The following TLCD3B variants were observed in gnomAD, a reference collection of about 807,000 sequenced individuals.
The protein encoded by TLCD3B is TLC domain containing 3B.
TLCD3B carries 9 observed loss-of-function variants against 23.0 expected under a neutral mutation model. The ratio of observed to expected loss-of-function variants is 0.39; its 90% CI spans 0.24 to 0.68. TLCD3B has a LOEUF of 0.68. Ranked by LOEUF, TLCD3B falls within the 30% of genes least tolerant of loss-of-function variation. The probability of loss-of-function intolerance (pLI) is 0.44; values close to 1 mark genes in which losing one functional copy is unlikely to be tolerated. For missense variants in TLCD3B, 307 were observed against 371.8 expected, an observed-to-expected ratio of 0.83 and a Z score of 1.43; for synonymous variants, 161 against 161.0, an observed-to-expected ratio of 1.00 and a Z score of 0.00.
intron 3 of TLCD3B, among the ~76,000 whole-genome samples, chr16:30,038,861 G>A (rs1264114312): frequency 6.6e-6 from 1 of 152,162 alleles, no homozygotes; most frequent in African/African-American, 2.4e-5. Flanking sequence ...GAAAACAGAG[G>A]CACAGAGAGG....
chr16:30,028,181 G>A (rs983227508), intron 2 of TLCD3B, among the ~76,000 whole-genome samples: 5 of 152,208 alleles, frequency 3.3e-5, no homozygotes, highest in Admixed American at 2.0e-4. Flanking sequence ...GATGGGAGAT[G>A]GGACAGCTGG....
chr16:30,048,743 A>AT lies in TLCD3B; in HGVS notation c.-293-2357dup, dbSNP rs907868801. ...TGCCTCAGCCTCCCGAGTAGCTGAG[A>AT]TTACAGGCATGCACCACCACGCCCA... On this transcript the variant is annotated intron_variant, in intron 1 of 6. Coordinates refer to the TLCD3B transcript ENST00000561666. Among the ~76,000 whole-genome samples, 50 of 151,752 alleles carry AT rather than the reference A, an allele frequency of 3.3e-4. 1 individual carries two copies. The highest frequency in any genetic ancestry group is 1.2e-3 in the African/African-American group (50 of 41,348).
Position 30,025,297 on chromosome 16 carries a change from G to T in TLCD3B, c.711C>A (p.Gly237=), listed in dbSNP as rs752491244. ...PLAIPAHVNL[G]AALLLAPQLY... The stretch of plus-strand genomic sequence containing the variant: ...GCTGAGGGGCCAGGAGCAGCGCAGC[G>T]CCCAGGTTGACGTGGGCAGGGATGG... Residue 237 remains glycine (G), a synonymous_variant, in exon 5 of 5, where the codon GGC becomes GGA. Coordinates refer to ENST00000380495, the MANE Select transcript of TLCD3B (RefSeq NM_031478.6). The surrounding 1 kb of genome is among the most constrained non-coding windows in gnomAD (Gnocchi z 4.1). The T allele has an allele frequency of 5.1e-6, 8 of 1,555,736 alleles. No homozygotes were observed. The Admixed American group carries it at 7.8e-5, about 15-fold the overall frequency.
At chr16:30,034,910 T>C (rs2071437773), upstream of TLCD3B, among the ~76,000 whole-genome samples, 10 of 123,974 alleles carry the variant, frequency 8.1e-5, no homozygotes, top group South Asian at 2.7e-3. Flanking sequence ...TCTTTTTTTC[T>C]TTTTCTTTTT....
chr16:30,027,156 T>G, intron 2 of TLCD3B: 1 of 496,190 alleles, frequency 2.0e-6, no homozygotes. Context: ...AGTGCCAAAA[T>G]AAGCCCAGGA....
At chr16:30,048,906 G>T (rs1236698034) in intron 1 of TLCD3B, among the ~76,000 whole-genome samples, 1 of 152,058 alleles carries the variant, frequency 6.6e-6, no homozygotes, top group African/African-American at 2.4e-5. Context: ...AAGTAGCTTG[G>T]ATTATAGGCA....
chr16:30,048,499 G>A (rs1304038138), intron 1 of TLCD3B, among the ~76,000 whole-genome samples: 1 of 152,076 alleles, frequency 6.6e-6, no homozygotes, highest in Non-Finnish European at 1.5e-5. Flanking sequence ...AGTCCCTGAG[G>A]GTTATCCCCA....
At chr16:30,040,824 C>A (rs1213122947) in intron 3 of TLCD3B, among the ~76,000 whole-genome samples, 1 of 151,680 alleles carries the variant, frequency 6.6e-6, no homozygotes, top group Admixed American at 6.6e-5. Flanking sequence ...CCTGGCTAAT[C>A]TGGGGAGGTT....
exon 1 of TLCD3B, chr16:30,052,819 T>C (rs2071788546): frequency 6.6e-6 from 1 of 152,198 alleles, no homozygotes; most frequent in Non-Finnish European, 1.5e-5. Context: ...AGATGCTCAG[T>C]GGCTTGGCCG....
At chr16:30,041,769 G>A in intron 2 of TLCD3B, among the ~76,000 whole-genome samples, 1 of 147,014 alleles carries the variant, frequency 6.8e-6, no homozygotes, top group Non-Finnish European at 1.5e-5. Context: ...GAGCCATGGC[G>A]CCCAGCCGAG....
chr16:30,039,103 CTTTTTTT>C (rs1018184417), intron 3 of TLCD3B, among the ~76,000 whole-genome samples: 1 of 99,612 alleles, frequency 1.0e-5, no homozygotes, highest in Non-Finnish European at 1.9e-5. Flanking sequence ...TCCTTCCTCT[CTTTTTTT>C]TTTTTTTTTT....
Position 30,030,781 on chromosome 16 carries a change from G to A in TLCD3B, c.-254C>T, listed in dbSNP as rs1363943844. 6.6e-6 allele frequency: 8 copies of A among 1,211,498 alleles called. No homozygotes were observed. The highest frequency in any genetic ancestry group is 3.3e-5 in the African/African-American group (2 of 61,396). 75.0% of individuals were successfully genotyped at this position (1,211,498 alleles called of 1,614,324 possible). A position where few individuals can be genotyped will look rare whatever the true frequency, so the allele number is the denominator to read the frequency against. On this transcript the variant is annotated 5_prime_UTR_variant, in exon 1 of 5. Transcript: ENST00000380495. ...AGAAGGGGAGCAGGAGCAGGCCAGC[G>A]AGGGATGGGGAGAGGCAAAGAGGGG...
At chr16:30,052,782 T>C (rs2071787949) in exon 1 of TLCD3B, 1 of 152,192 alleles carries the variant, frequency 6.6e-6, no homozygotes, top group South Asian at 2.1e-4. Context: ...ACAATATCCC[T>C]GAGCGGCAGG....
intron 2 of TLCD3B, chr16:30,027,497 A>C (rs1432005815): frequency 6.7e-6 from 3 of 444,644 alleles, no homozygotes; most frequent in Non-Finnish European, 1.4e-5. Flanking sequence ...AGAAGATCCG[A>C]GAGGCATCAG....
chr16:30,030,472 G>C lies in TLCD3B; in HGVS notation c.56C>G (p.Ser19Cys). ...GGGCAGCCGCTGGAGCGTGTTCTTG[G>C]AGAGGAGGAAGAGTCCGGGGAACAC... ...GVVFPGLFLLSKNTLQRLPQL... is the reference protein window; with the variant it reads ...GVVFPGLFLLCKNTLQRLPQL... The change falls in exon 1 of 5, where the codon TCC becomes TGC. Residue 19 changes from serine to cysteine, a missense_variant. Transcript: ENST00000380495. The C allele has an allele frequency of 6.2e-7, 1 of 1,608,062 alleles. No homozygotes were observed. The highest frequency in any genetic ancestry group is 8.5e-7 in the Non-Finnish European group (1 of 1,177,882).
Position 30,029,974 on chromosome 16 carries a change from C to G in TLCD3B, c.125+429G>C. 7.9e-7 allele frequency: 1 copy of G among 1,261,808 alleles called. No individual in the cohort carries two copies. Among genetic ancestry groups the G allele is most frequent in the Non-Finnish European group, 1.1e-6 (1 of 947,686 alleles). 78.2% of individuals were successfully genotyped at this position (1,261,808 alleles called of 1,614,324 possible). ...CTTTCCCACTGTCTCCTGACTGCCACCAGCCTCCACTCTGCACTCTGGCCC... is the reference window on the plus strand; with the variant it reads ...CTTTCCCACTGTCTCCTGACTGCCAGCAGCCTCCACTCTGCACTCTGGCCC... On this transcript the variant is annotated intron_variant, in intron 1 of 4. Transcript: ENST00000380495. The surrounding 1 kb of genome is among the most constrained non-coding windows in gnomAD (Gnocchi z 4.6).
chr16:30,042,871 G>C (rs980142409), intron 2 of TLCD3B, among the ~76,000 whole-genome samples: 2 of 152,010 alleles, frequency 1.3e-5, no homozygotes, highest in Non-Finnish European at 2.9e-5. Context: ...GGCCGAGGTG[G>C]GTGGATCATG....
At chr16:30,031,785 G>A (rs566506340), upstream of TLCD3B, among the ~76,000 whole-genome samples, 5 of 152,314 alleles carry the variant, frequency 3.3e-5, no homozygotes, top group South Asian at 6.2e-4. Flanking sequence ...CAGGAGCTCC[G>A]AGGTCACTGC....
intron 2 of TLCD3B, among the ~76,000 whole-genome samples, chr16:30,045,268 ATGTGTGTGGTG>A (rs986878496): frequency 1.2e-4 from 16 of 129,996 alleles, no homozygotes; most frequent in Admixed American, 8.4e-4. Flanking sequence ...TGTGTGTGTG[ATGTGTGTGGTG>A]TGTGTGTGGT....
Sources: gnomAD v4.1 joint callset for allele counts (sites outside exome capture counted in the v4.1 genomes callset) on GRCh38, gnomAD v4.1.1 for gene constraint, Gnocchi (gnomAD v3.1) non-coding constraint, MANE v1.5 for transcripts, NCBI Gene and HGNC (gene_info 2026-07-23, HGNC 2026-07-21) for gene names.